ERCC6L2: variants seen among roughly 807,000 people sequenced by gnomAD.
ERCC6L2 encodes DNA excision repair protein ERCC-6-like 2.
ERCC6L2 carries 77 observed loss-of-function variants against 132.0 expected under a neutral mutation model. That is an observed-to-expected ratio of 0.58 (90% confidence interval 0.49 to 0.71). The LOEUF (loss-of-function observed/expected upper bound fraction) is 0.71. Ranked by LOEUF, ERCC6L2 falls within the 30% of genes least tolerant of loss-of-function variation. The pLI, the probability that ERCC6L2 is intolerant of heterozygous loss-of-function variation, is 0.00. For missense variants in ERCC6L2, 1,542 were observed against 1,837.6 expected (o/e 0.84, Z 2.94); for synonymous variants, 583 against 632.4 (o/e 0.92, Z 1.17).
chr9:95,918,546 C>A, intron 6 of ERCC6L2: 3 of 454,338 alleles, frequency 6.6e-6, no homozygotes, highest in South Asian at 5.2e-5. Context: ...GAATGGAAGT[C>A]ATTACAGCTA....
chr9:95,992,869 T>A (rs79538718), intron 17 of ERCC6L2, among the ~76,000 whole-genome samples: 2,269 of 152,314 alleles, frequency 0.015, 34 homozygotes, highest in Non-Finnish European at 0.023. Flanking sequence ...GTGATCTTTG[T>A]TGCCAGTGAT....
At chr9:95,894,584 C>CT (rs1218474585) in intron 2 of ERCC6L2, among the ~76,000 whole-genome samples, 850 of 83,498 alleles carry the variant, frequency 0.01, 215 homozygotes, top group African/African-American at 0.03. Context: ...ATATGTCAGC[C>CT]TTTTTTTTTT....
chr9:95,975,876 T>TA (rs1051515231), intron 16 of ERCC6L2, among the ~76,000 whole-genome samples: 2 of 151,844 alleles, frequency 1.3e-5, no homozygotes, highest in Non-Finnish European at 2.9e-5. Flanking sequence ...TTTTGAAATT[T>TA]AAAAAAAAAT....
chr9:96,010,647 C>A (rs1833997522), intron 18 of ERCC6L2, among the ~76,000 whole-genome samples: 1 of 152,122 alleles, frequency 6.6e-6, no homozygotes, highest in Non-Finnish European at 1.5e-5. Context: ...AAGAGACACC[C>A]TTTCTATCCA....
rs1054867516 is a variant in ERCC6L2, at chr9:95,923,512, G to A, written c.1533+133G>A. On this transcript the variant is annotated intron_variant, in intron 9 of 18. Coordinates refer to ENST00000653738, the MANE Select transcript of ERCC6L2 (RefSeq NM_020207.7). ...GAGATGGTGGCTATGGACAAGTGGT[G>A]CAATTGTATCAGCATTTACTAGGTC... 4 of 1,021,832 alleles carry A rather than the reference G, an allele frequency of 3.9e-6. No homozygotes were observed. In the African/African-American group the frequency reaches 4.8e-5, roughly 12 times the overall value. The allele number at this position is 1,021,832 out of a possible 1,614,324, so 63.3% of individuals were successfully genotyped here. A position where few individuals can be genotyped will look rare whatever the true frequency, so the allele number is the denominator to read the frequency against.
At chr9:96,032,223 G>A (rs923774061) in intron 19 of ERCC6L2, among the ~76,000 whole-genome samples, 3 of 152,040 alleles carry the variant, frequency 2.0e-5, no homozygotes, top group African/African-American at 4.8e-5. Flanking sequence ...GAAAGGCCAG[G>A]GACCCCAGAT....
In ERCC6L2 at chr9:95,928,158, C is replaced by T. The variant is rs369723293; in HGVS notation, c.1605+8C>T. 9.0e-4 allele frequency: 1,432 copies of T among 1,597,872 alleles called. 1 individual carries two copies. Among genetic ancestry groups the T allele is most frequent in the Admixed American group, 8.9e-4 (53 of 59,840 alleles). ...TTTTCTTTTTCCACCAAGGTGAGTT[C>T]ATCTAAAGTATATCCTTGATTGGCC... On this transcript the variant is annotated splice_region_variant and intron_variant, in intron 10 of 18. Coordinates refer to ENST00000653738, the MANE Select transcript of ERCC6L2 (RefSeq NM_020207.7).
intron 2 of ERCC6L2, among the ~76,000 whole-genome samples, chr9:95,895,779 G>A (rs1828424735): frequency 6.7e-6 from 1 of 149,850 alleles, no homozygotes; most frequent in Admixed American, 6.6e-5. Context: ...CCAGGCTGGA[G>A]TGTAGTGCGC....
At chr9:95,981,972 T>C (rs569465266) in intron 17 of ERCC6L2, among the ~76,000 whole-genome samples, 60 of 152,146 alleles carry the variant, frequency 3.9e-4, no homozygotes, top group Non-Finnish European at 7.5e-4. Context: ...AGCCAAAATA[T>C]AGACTGTGAC....
intron 17 of ERCC6L2, among the ~76,000 whole-genome samples, chr9:95,994,667 A>G (rs549964815): frequency 1.4e-4 from 21 of 152,216 alleles, no homozygotes; most frequent in Non-Finnish European, 2.8e-4. Context: ...GGGAGAATGA[A>G]TCAGATTATC....
intron 17 of ERCC6L2, among the ~76,000 whole-genome samples, chr9:95,978,638 G>A (rs1300300413): frequency 2.0e-5 from 3 of 152,104 alleles, no homozygotes; most frequent in Non-Finnish European, 4.4e-5. Context: ...TATATTTTTA[G>A]CAAAAGGGTT....
chr9:95,906,778 T>C (rs558356649), intron 3 of ERCC6L2: 64 of 477,120 alleles, frequency 1.3e-4, no homozygotes, highest in Non-Finnish European at 2.4e-4. Flanking sequence ...TTTCTCTCTT[T>C]TGGAAAGTTA....
intron 18 of ERCC6L2, among the ~76,000 whole-genome samples, chr9:96,010,596 G>T (rs770112714): frequency 6.6e-6 from 1 of 152,082 alleles, no homozygotes; most frequent in African/African-American, 2.4e-5. Flanking sequence ...TCTCCCCCTG[G>T]GAGACTTCCT....
chr9:95,927,075 T>A lies in ERCC6L2; in HGVS notation c.1534-1004T>A, dbSNP rs566432412. Among the ~76,000 whole-genome samples the A allele has an allele frequency of 5.9e-5, 9 of 152,226 alleles. No individual in the cohort carries two copies. In the East Asian group the frequency reaches 1.7e-3, roughly 29 times the overall value. On this transcript the variant is annotated intron_variant, in intron 9 of 18. Transcript: ENST00000653738. ...AAAATGAACTAAATGCAAATAAAAC[T>A]TCATATGTTCTCCAAATGTGAAAGT...
At chr9:95,928,204 A>ATGCTTTATTCTTTATGCCTC in intron 10 of ERCC6L2, 54 bp downstream of exon 10, 2 of 1,268,516 alleles carry the variant, frequency 1.6e-6, no homozygotes, top group Non-Finnish European at 2.3e-6. Context: ...TTTGAGGCAT[A>ATGCTTTATTCTTTATGCCTC]AAGAATAAAG....
At chr9:95,959,398 T>TAATTAGGTCTA in intron 13 of ERCC6L2, among the ~76,000 whole-genome samples, 1 of 151,920 alleles carries the variant, frequency 6.6e-6, no homozygotes, top group Admixed American at 6.6e-5. Context: ...ATTAAAGACT[T>TAATTAGGTCTA]AAACGTTAGA....
chr9:95,888,791 A>G (rs886538573), intron 2 of ERCC6L2, among the ~76,000 whole-genome samples: 2 of 152,220 alleles, frequency 1.3e-5, no homozygotes, highest in African/African-American at 2.4e-5. Flanking sequence ...GTCCTGGTCC[A>G]TAAAATCCAC....
At chr9:95,973,145 T>A in intron 16 of ERCC6L2, 57 bp downstream of exon 16, 1 of 1,099,500 alleles carries the variant, frequency 9.1e-7, no homozygotes, top group Non-Finnish European at 1.2e-6. Flanking sequence ...ATCAAATAGT[T>A]CTGTGAGACG....
chr9:95,984,773 A>T lies in ERCC6L2; in HGVS notation c.3492+6558A>T, dbSNP rs566918194. 2.0e-5 allele frequency among the ~76,000 whole-genome samples: 3 copies of T among 152,306 alleles called. No homozygotes were observed. In the South Asian group the frequency reaches 6.2e-4, roughly 32 times the overall value. On this transcript the variant is annotated intron_variant, in intron 17 of 18. Coordinates refer to ENST00000653738, the MANE Select transcript of ERCC6L2 (RefSeq NM_020207.7). ...ACTTGTGGGATAAAGTCAGGTTTTCAGTTTTTGTCAGGGTACAATGAACCC... is the reference window on the plus strand; with the variant it reads ...ACTTGTGGGATAAAGTCAGGTTTTCTGTTTTTGTCAGGGTACAATGAACCC...
Sources: gnomAD v4.1 joint callset for allele counts (sites outside exome capture counted in the v4.1 genomes callset) on GRCh38, gnomAD v4.1.1 for gene constraint, MANE v1.5 for transcripts, NCBI Gene and HGNC (gene_info 2026-07-23, HGNC 2026-07-21) for gene names.